The following GP2 variants were observed in gnomAD, a reference collection of about 807,000 sequenced individuals.
The protein encoded by GP2 is glycoprotein 2.
GP2 carries 58 observed loss-of-function variants against 60.8 expected under a neutral mutation model. The ratio of observed to expected loss-of-function variants is 0.95; its 90% CI spans 0.77 to 1.19. The LOEUF is 1.19. Among genes scored for constraint, GP2 ranks in the 50% most tolerant of loss-of-function variants. The pLI, the probability that GP2 is intolerant of heterozygous loss-of-function variation, is 0.00. For synonymous variants in GP2, 280 were observed against 253.4 expected, an observed-to-expected ratio of 1.10 and a Z score of -1.00; for missense variants, 647 against 667.4, an observed-to-expected ratio of 0.97 and a Z score of 0.34.
At chr16:20,318,878 A>G (rs1964262459) in intron 6 of GP2, among the ~76,000 whole-genome samples, 2 of 152,176 alleles carry the variant, frequency 1.3e-5, no homozygotes, top group African/African-American at 4.8e-5. Context: ...GAAACCACTG[A>G]ATTAGAAAAT....
At chr16:20,314,760 T>C (rs1309544753) in intron 9 of GP2, 59 bp from the exon 10 acceptor site, 6 of 1,188,806 alleles carry the variant, frequency 5.0e-6, no homozygotes, top group Non-Finnish European at 7.6e-6. Context: ...ACTGCAACAC[T>C]GTGGCCATAA....
At position 20,319,633 on chromosome 16, in the gene GP2, G is replaced by T. The variant is rs751104772; in HGVS notation, c.994C>A (p.Gln332Lys). The T allele has an allele frequency of 1.8e-5, 29 of 1,612,138 alleles. 1 individual carries two copies. The South Asian group carries it at 3.1e-4, about 17-fold the overall frequency. ...DMKVSLQAAL[Q>K]PIVSSLNVSV... ...TCAATGCCATACCTTACAATGGGCT[G>T]CAAGGCAGCTTGGAGGCTGACTTTC... is the stretch of plus-strand genomic sequence containing the variant. The change falls in exon 6 of 11, where the codon CAG becomes AAG. Residue 332 changes from glutamine (Q) to lysine (K), a missense_variant. Coordinates refer to ENST00000302555, the MANE Select transcript of GP2 (RefSeq NM_001502.4).
Position 20,311,113 on chromosome 16 carries a change from T to G in GP2, c.*110A>C. 1 of 732,062 alleles carries G rather than the reference T, an allele frequency of 1.4e-6. No individual in the cohort carries two copies. The allele number at this position is 732,062 out of a possible 1,614,324, so 45.3% of individuals were successfully genotyped here. A position where few individuals can be genotyped will look rare whatever the true frequency, so the allele number is the denominator to read the frequency against. On this transcript the variant is annotated 3_prime_UTR_variant, in exon 11 of 11. Coordinates refer to ENST00000302555, the MANE Select transcript of GP2 (RefSeq NM_001502.4). ...TTTTCCTAACCTAGCTTGGCCTTGA[T>G]TCTATTAATACCAAGCCTGTGTGAA... is the stretch of plus-strand genomic sequence containing the variant.
chr16:20,320,995 T>C, intron 4 of GP2, among the ~76,000 whole-genome samples: 1 of 152,068 alleles, frequency 6.6e-6, no homozygotes, highest in Admixed American at 6.6e-5. Flanking sequence ...ATTGCATTCA[T>C]TAATGCATTG....
Position 20,320,608 on chromosome 16 carries a change from C to A in GP2, c.647-135G>T, listed in dbSNP as rs1964328057. On this transcript the variant is annotated intron_variant, in intron 4 of 10. Transcript: ENST00000302555. ...CCCTGGGATCCAGATGGAATTCATG[C>A]CTAGGCTGGCAGTAGGTGGGACTGG... The A allele has an allele frequency of 7.5e-6, 5 of 670,832 alleles. No individual in the cohort carries two copies. In the South Asian group the frequency reaches 9.2e-5, roughly 12 times the overall value. 41.6% of individuals were successfully genotyped at this position (670,832 alleles called of 1,614,324 possible).
intron 3 of GP2, chr16:20,323,243 C>A (rs1964421142): frequency 1.5e-6 from 1 of 658,902 alleles, no homozygotes; most frequent in Admixed American, 2.4e-5. Flanking sequence ...GAAAGGACAG[C>A]ATGGTGGTTA....
chr16:20,318,471 C>T lies in GP2; in HGVS notation c.1008-41G>A, dbSNP rs1274721078. ...CCACAAGAGTGGAAACCTCAGAGAA[C>T]AACATAAATCAAGCCCTGCACTTAC... On this transcript the variant is annotated intron_variant, in intron 6 of 10. Transcript: ENST00000302555. The T allele has an allele frequency of 2.5e-6, 4 of 1,591,750 alleles. No homozygotes were observed. The African/African-American group carries it at 4.0e-5, about 16-fold the overall frequency.
Position 20,324,112 on chromosome 16 carries a change from G to T in GP2, c.239C>A (p.Ala80Glu), listed in dbSNP as rs1189494863. 19 of 1,614,036 alleles carry T rather than the reference G, an allele frequency of 1.2e-5. No homozygotes were observed. The highest frequency in any genetic ancestry group is 1.6e-5 in the Non-Finnish European group (19 of 1,179,848). The change falls in exon 3 of 11, where the codon GCA becomes GAA. Residue 80 changes from alanine to glutamate, a missense_variant. By Grantham distance (107) the Ala-to-Glu change is moderately radical (BLOSUM62 -1). Coordinates refer to ENST00000302555, the MANE Select transcript of GP2 (RefSeq NM_001502.4). ...GTTTTTATCGCACCCCTGGGACCCT[G>T]CTGAGTTCTCTGTGCTTCGGAAGGG... ...DEPFRSTENS[A>E]GSQGCDKNMS... is the part of the protein sequence containing the mutation.
chr16:20,317,431 T>C (rs1964218862), intron 7 of GP2, 56 bp from the exon 8 acceptor site: 1 of 1,373,878 alleles, frequency 7.3e-7, no homozygotes, highest in Admixed American at 1.8e-5. Context: ...TGGAGAAAAT[T>C]AAAGAGTCCC....
rs1963965050 is a variant in GP2, at chr16:20,310,501, T to C, written c.*722A>G. On this transcript the variant is annotated 3_prime_UTR_variant, in exon 11 of 11. Transcript: ENST00000302555. ...AGAGGAAGCAGAGTGAACACAAGGGTCAGTTTCTTCAATTCATGAGCAGTC... is the reference window on the plus strand; with the variant it reads ...AGAGGAAGCAGAGTGAACACAAGGGCCAGTTTCTTCAATTCATGAGCAGTC... 1 of 152,040 alleles carries C rather than the reference T, an allele frequency of 6.6e-6. No individual in the cohort carries two copies. Among genetic ancestry groups the C allele is most frequent in the African/African-American group, 2.4e-5 (1 of 41,390 alleles). 9.4% of individuals were successfully genotyped at this position (152,040 alleles called of 1,614,324 possible).
Position 20,314,711 on chromosome 16 carries a change from A to T in GP2, c.1502-10T>A. 1.3e-6 allele frequency: 2 copies of T among 1,593,812 alleles called. No individual in the cohort carries two copies. The highest frequency in any genetic ancestry group is 1.7e-6 in the Non-Finnish European group (2 of 1,161,404). On this transcript the variant is annotated splice_polypyrimidine_tract_variant and intron_variant, in intron 9 of 10. Coordinates refer to ENST00000302555, the MANE Select transcript of GP2 (RefSeq NM_001502.4). ...CCGGGAGACTGTGCACCTGTGAACAAGAACAGAAGGGGTGGGTTTCCTCAG... is the reference window on the plus strand; with the variant it reads ...CCGGGAGACTGTGCACCTGTGAACATGAACAGAAGGGGTGGGTTTCCTCAG...
chr16:20,311,203 C>A lies in GP2; in HGVS notation c.*20G>T. ...AGAGGGAAGAACACAAACTTCAAGG[C>A]CAGATGCTCAGCGGAGCTCTCAGAA... On this transcript the variant is annotated 3_prime_UTR_variant, in exon 11 of 11. Coordinates refer to ENST00000302555, the MANE Select transcript of GP2 (RefSeq NM_001502.4). 1.9e-6 allele frequency: 3 copies of A among 1,565,234 alleles called. No individual in the cohort carries two copies. Among genetic ancestry groups the A allele is most frequent in the Non-Finnish European group, 2.6e-6 (3 of 1,135,450 alleles).
At chr16:20,311,760 C>T (rs1964002682) in intron 10 of GP2, among the ~76,000 whole-genome samples, 1 of 152,164 alleles carries the variant, frequency 6.6e-6, no homozygotes, top group Admixed American at 6.5e-5. Context: ...TCCCCTCCCC[C>T]AGTGATTTAG....
intron 10 of GP2, 56 bp downstream of exon 10, chr16:20,314,601 G>A (rs1245490210): frequency 8.2e-7 from 1 of 1,219,032 alleles, no homozygotes; most frequent in Non-Finnish European, 1.2e-6. Flanking sequence ...GGGCAGAATT[G>A]AAAAGAGAAA....
intron 4 of GP2, among the ~76,000 whole-genome samples, chr16:20,320,951 A>G (rs1964337480): frequency 6.6e-6 from 1 of 152,194 alleles, no homozygotes; most frequent in South Asian, 2.1e-4. Context: ...TGAATAGGGG[A>G]GACAAATAGT....
intron 10 of GP2, among the ~76,000 whole-genome samples, chr16:20,312,870 G>A (rs1297150248): frequency 4.6e-5 from 7 of 151,988 alleles, no homozygotes; most frequent in African/African-American, 9.7e-5. Flanking sequence ...GGCTGGTCTC[G>A]AACTCCTGAC....
intron 8 of GP2, among the ~76,000 whole-genome samples, chr16:20,316,569 A>T (rs1964180796): frequency 6.6e-6 from 1 of 152,168 alleles, no homozygotes; most frequent in African/African-American, 2.4e-5. Context: ...GACTTACATT[A>T]AAAAATGTAT....
Position 20,317,322 on chromosome 16 carries a change from G to T in GP2, c.1307C>A (p.Ser436Ter), listed in dbSNP as rs200607365. 3.1e-6 allele frequency: 5 copies of T among 1,613,512 alleles called. No homozygotes were observed. The highest frequency in any genetic ancestry group is 4.2e-6 in the Non-Finnish European group (5 of 1,179,468). The part of the protein sequence containing the change: ...TIHVEENGQS[S>*]ESRFSVQMFM... ...CATCTGAACTGAGAACCGGCTTTCC[G>T]AGGACTGCCCATTCTCCTCCACGTG... The change falls in exon 8 of 11, where the codon TCG becomes TAG. Residue 436 changes from serine to a stop codon, truncating the protein, a stop_gained. Coordinates refer to ENST00000302555, the MANE Select transcript of GP2 (RefSeq NM_001502.4). LOFTEE classifies it high-confidence loss of function.
chr16:20,323,676 A>T (rs557224450), intron 3 of GP2, 140 bp downstream of exon 3: 1 of 629,446 alleles, frequency 1.6e-6, no homozygotes, highest in African/African-American at 1.8e-5. Context: ...CCCTGTGTTG[A>T]GTTCTCACTG....
Sources: allele counts gnomAD v4.1 joint callset (sites outside exome capture counted in the v4.1 genomes callset), GRCh38; gene constraint gnomAD v4.1.1; transcripts MANE v1.5; gene names NCBI Gene and HGNC (gene_info 2026-07-23, HGNC 2026-07-21).